Variants in PKP4 observed in about 807,000 individuals in gnomAD.
PKP4 encodes the protein plakophilin-4.
In PKP4, 90 loss-of-function variants were observed where a neutral mutation model predicts 145.1. The observed-to-expected ratio is 0.62, with a 90% confidence interval of 0.52 to 0.74. The LOEUF (loss-of-function observed/expected upper bound fraction) is 0.74. PKP4 is among the 30% of genes least tolerant of loss of function. The probability of loss-of-function intolerance (pLI) is 0.00; values close to 1 mark genes in which losing one functional copy is unlikely to be tolerated. For missense variants in PKP4, 1,340 were observed against 1,482.7 expected, an observed-to-expected ratio of 0.90 and a Z score of 1.58; for synonymous variants, 563 against 577.2, an observed-to-expected ratio of 0.98 and a Z score of 0.35.
At chr2:158,528,636 T>TAAAAAAAAAAA (rs70994211) in intron 1 of PKP4, among the ~76,000 whole-genome samples, 1 of 81,542 alleles carries the variant, frequency 1.2e-5, no homozygotes, top group Admixed American at 1.5e-4. Context: ...TAAAGTATAA[T>TAAAAAAAAAAA]AAAAAAAAAA....
At chr2:158,665,810 C>T (rs908411364) in intron 15 of PKP4, 1 of 152,178 alleles carries the variant, frequency 6.6e-6, no homozygotes, top group Non-Finnish European at 1.5e-5. Flanking sequence ...GCTAACTAAT[C>T]TTGAGTGAGA....
intron 3 of PKP4, among the ~76,000 whole-genome samples, chr2:158,600,968 G>A (rs928238532): frequency 3.9e-5 from 6 of 152,138 alleles, no homozygotes; most frequent in African/African-American, 1.4e-4. Context: ...GTTACACAAC[G>A]AGGTTGCTGG....
Position 158,493,423 on chromosome 2 carries a change from C to T in PKP4, c.-6+36205C>T, listed in dbSNP as rs544243549. 2.0e-5 allele frequency among the ~76,000 whole-genome samples: 3 copies of T among 152,296 alleles called. 1 individual carries two copies. The highest frequency in any genetic ancestry group is 2.0e-4 in the Admixed American group (3 of 15,302). ...TCCTTAACTTCGTTTTGATCTACAG[C>T]CAAATCTTCTCACACCCTCCTTTAG... On this transcript the variant is annotated intron_variant, in intron 1 of 21. Transcript: ENST00000389759.
chr2:158,519,907 ACT>A (rs1327118487), intron 1 of PKP4, among the ~76,000 whole-genome samples: 2 of 151,850 alleles, frequency 1.3e-5, no homozygotes, highest in African/African-American at 2.4e-5. Flanking sequence ...TCCAGGTATA[ACT>A]CTGAATTTGT....
At chr2:158,516,690 G>A (rs913732642) in intron 1 of PKP4, among the ~76,000 whole-genome samples, 1 of 140,740 alleles carries the variant, frequency 7.1e-6, no homozygotes, top group Non-Finnish European at 1.5e-5. Flanking sequence ...ACAGAGTTCC[G>A]CTCTTGTTGC....
Position 158,556,634 on chromosome 2 carries a change from A to C in PKP4, c.133-20637A>C, listed in dbSNP as rs79228455. 8.2e-3 allele frequency among the ~76,000 whole-genome samples: 1,252 copies of C among 152,056 alleles called. 22 individuals carry two copies. The highest frequency in any genetic ancestry group is 0.029 in the African/African-American group (1,193 of 41,458). ...CTGTAACGGATGCTGGATGTCATAG[A>C]AGGCACTGTTTATCAGATGAGAAAC... On this transcript the variant is annotated intron_variant, in intron 2 of 21. Transcript: ENST00000389759.
intron 2 of PKP4, among the ~76,000 whole-genome samples, chr2:158,551,923 TG>T (rs1232208625): frequency 6.6e-6 from 1 of 152,212 alleles, no homozygotes; most frequent in Non-Finnish European, 1.5e-5. Context: ...CTCTCTAAAC[TG>T]ATTGTGGGAG....
In PKP4 at chr2:158,519,867, C is replaced by A. The variant is rs1469372635; in HGVS notation, c.-5-13313C>A. Among the ~76,000 whole-genome samples, 3 of 152,088 alleles carry A rather than the reference C, an allele frequency of 2.0e-5. No individual in the cohort carries two copies. In the East Asian group the frequency reaches 5.8e-4, roughly 29 times the overall value. On this transcript the variant is annotated intron_variant, in intron 1 of 21. Transcript: ENST00000389759. ...TTACATTCTTAACTCTATTGATTAC[C>A]TCCATCCTATCTTTGTATACCCTTA...
At chr2:158,490,070 A>T (rs919568088) in intron 1 of PKP4, among the ~76,000 whole-genome samples, 1 of 152,204 alleles carries the variant, frequency 6.6e-6, no homozygotes, top group Non-Finnish European at 1.5e-5. Context: ...CACATTAATG[A>T]TACTATATAA....
chr2:158,465,620 C>T (rs1377522721), intron 1 of PKP4, among the ~76,000 whole-genome samples: 1 of 152,154 alleles, frequency 6.6e-6, no homozygotes, highest in Non-Finnish European at 1.5e-5. Context: ...CCCAAACTTG[C>T]TGTTGAAAAT....
rs188850376 is a variant in PKP4 at position 158,549,444 on chromosome 2, C to T, written c.132+16128C>T. On this transcript the variant is annotated intron_variant, in intron 2 of 21. Transcript: ENST00000389759. ...GTTTTTGGGAAATCGTTTAGTGGCC[C>T]TTCACCTACGCCCCTGTGAGGGACG... Among the ~76,000 whole-genome samples, 10 of 152,002 alleles carry T rather than the reference C, an allele frequency of 6.6e-5. No individual in the cohort carries two copies. The East Asian group carries it at 1.9e-3, about 29-fold the overall frequency.
intron 1 of PKP4, among the ~76,000 whole-genome samples, chr2:158,512,061 C>T (rs1475971691): frequency 6.6e-6 from 1 of 152,164 alleles, no homozygotes; most frequent in Non-Finnish European, 1.5e-5. Context: ...ATTACATATG[C>T]ATTTGGATGC....
At chr2:158,606,247 G>A (rs534951002) in intron 4 of PKP4, among the ~76,000 whole-genome samples, 30 of 152,074 alleles carry the variant, frequency 2.0e-4, no homozygotes, top group African/African-American at 7.0e-4. Context: ...GGTTCTACAG[G>A]AGAATGGTGT....
At chr2:158,507,576 G>A (rs1574167552) in intron 1 of PKP4, among the ~76,000 whole-genome samples, 1 of 152,088 alleles carries the variant, frequency 6.6e-6, no homozygotes, top group African/African-American at 2.4e-5. Flanking sequence ...AGGGAGAATG[G>A]ATTACAGGTC....
intron 1 of PKP4, among the ~76,000 whole-genome samples, chr2:158,487,062 C>T (rs1297479594): frequency 3.3e-5 from 5 of 152,176 alleles, no homozygotes; most frequent in African/African-American, 1.2e-4. Flanking sequence ...ACATCAGCAT[C>T]CTTATATAAA....
intron 2 of PKP4, among the ~76,000 whole-genome samples, chr2:158,561,781 A>G (rs926237550): frequency 6.6e-6 from 1 of 150,798 alleles, no homozygotes; most frequent in Non-Finnish European, 1.5e-5. Context: ...ATGAATGTAT[A>G]ATCAAGTCAG....
intron 1 of PKP4, among the ~76,000 whole-genome samples, chr2:158,473,255 C>T (rs971479777): frequency 2.0e-5 from 3 of 152,112 alleles, no homozygotes; most frequent in Non-Finnish European, 4.4e-5. Flanking sequence ...TATGGTGATT[C>T]CTCAAAGAGC....
At chr2:158,521,851 T>C (rs912354972) in intron 1 of PKP4, among the ~76,000 whole-genome samples, 32 of 152,256 alleles carry the variant, frequency 2.1e-4, no homozygotes, top group Non-Finnish European at 4.3e-4. Flanking sequence ...TTTCTACTTA[T>C]TATTGTTAAA....
intron 1 of PKP4, among the ~76,000 whole-genome samples, chr2:158,520,667 G>C (rs908647627): frequency 6.6e-6 from 1 of 152,204 alleles, no homozygotes; most frequent in Admixed American, 6.5e-5. Context: ...TGTCGGGCTA[G>C]CACTTTAGAA....
Sources: allele counts gnomAD v4.1 joint callset (sites outside exome capture counted in the v4.1 genomes callset), GRCh38; gene constraint gnomAD v4.1.1; transcripts MANE v1.5; gene names NCBI Gene and HGNC (gene_info 2026-07-23, HGNC 2026-07-21).